The following RBFOX1 variants were observed in gnomAD, a reference collection of about 807,000 sequenced individuals.
RBFOX1 encodes RNA binding protein fox-1 homolog 1.
A neutral mutation model predicts 57.7 loss-of-function variants in RBFOX1; 8 were observed. That is an observed-to-expected ratio of 0.14 (90% confidence interval 0.08 to 0.25). The LOEUF is 0.25. Among genes scored for constraint, RBFOX1 ranks in the 10% least tolerant of loss-of-function variants. The pLI, the probability that RBFOX1 is intolerant of heterozygous loss-of-function variation, is 1.00. For synonymous variants in RBFOX1, 326 were observed against 222.4 expected (o/e 1.47, Z -4.15); for missense variants, 611 against 548.5 (o/e 1.11, Z -1.14).
At chr16:5,380,642 T>G (rs151229546) in intron 1 of RBFOX1, among the ~76,000 whole-genome samples, 545 of 152,306 alleles carry the variant, frequency 3.6e-3, no homozygotes, top group Middle Eastern at 0.017. Context: ...CATTATTACA[T>G]TTCATCCTTA....
chr16:7,281,878 C>G (rs960204418), intron 4 of RBFOX1, among the ~76,000 whole-genome samples: 6 of 151,758 alleles, frequency 4.0e-5, no homozygotes, highest in African/African-American at 1.5e-4. Context: ...TTTTCTTTTC[C>G]TAGAAAAGGT....
intron 4 of RBFOX1, among the ~76,000 whole-genome samples, chr16:7,086,595 G>A (rs2060013952): frequency 6.6e-6 from 1 of 152,124 alleles, no homozygotes; most frequent in Non-Finnish European, 1.5e-5. Context: ...GATACTTTCA[G>A]GAAATCTTAG....
At chr16:7,197,141 C>T (rs1455985592) in intron 4 of RBFOX1, among the ~76,000 whole-genome samples, 1 of 152,150 alleles carries the variant, frequency 6.6e-6, no homozygotes, top group African/African-American at 2.4e-5. Flanking sequence ...TCCAATCTGT[C>T]CTTCATTCTA....
intron 2 of RBFOX1, among the ~76,000 whole-genome samples, chr16:5,512,688 A>G (rs2043645922): frequency 6.6e-6 from 1 of 151,768 alleles, no homozygotes; most frequent in Non-Finnish European, 1.5e-5. Context: ...CTGCATACCC[A>G]CCCCCAACTC....
chr16:5,832,926 G>C lies in RBFOX1; in HGVS notation c.319-34377G>C, dbSNP rs563319072. 3.3e-5 allele frequency among the ~76,000 whole-genome samples: 5 copies of C among 152,272 alleles called. No individual in the cohort carries two copies. In the South Asian group the frequency reaches 1.0e-3, roughly 32 times the overall value. ...ACTTCTTGGGTATCCCCAGGCTGTA[G>C]AAATCCTGAAAAAGATATTCACCAA... On this transcript the variant is annotated intron_variant, in intron 3 of 19. Transcript: ENST00000641259.
chr16:6,528,109 C>G (rs879623345), intron 2 of RBFOX1, among the ~76,000 whole-genome samples: 2 of 152,160 alleles, frequency 1.3e-5, no homozygotes, highest in Admixed American at 6.5e-5. Flanking sequence ...TCCTGATTCA[C>G]CCAACTGGAA....
intron 2 of RBFOX1, among the ~76,000 whole-genome samples, chr16:6,541,061 T>C (rs926722612): frequency 5.9e-5 from 9 of 152,184 alleles, no homozygotes; most frequent in South Asian, 2.1e-4. Flanking sequence ...ATGCTACTTT[T>C]AGAGATGGAA....
intron 1 of RBFOX1, among the ~76,000 whole-genome samples, chr16:5,251,489 C>T (rs988879584): frequency 6.6e-6 from 1 of 152,224 alleles, no homozygotes; most frequent in African/African-American, 2.4e-5. Flanking sequence ...CCCCTAGTAC[C>T]TGCTGTGTTT....
At chr16:7,531,295 G>A (rs1337620137) in intron 5 of RBFOX1, among the ~76,000 whole-genome samples, 1 of 152,174 alleles carries the variant, frequency 6.6e-6, no homozygotes, top group Non-Finnish European at 1.5e-5. Flanking sequence ...AAAAGAGGAA[G>A]CAGCGATCAT....
At chr16:5,834,641 G>A (rs1376055261) in intron 3 of RBFOX1, among the ~76,000 whole-genome samples, 1 of 151,774 alleles carries the variant, frequency 6.6e-6, no homozygotes, top group Non-Finnish European at 1.5e-5. Context: ...TTTGTTTTCT[G>A]TTGGGTAGTT....
At chr16:7,302,264 C>G (rs577389256) in intron 4 of RBFOX1, among the ~76,000 whole-genome samples, 64 of 152,244 alleles carry the variant, frequency 4.2e-4, no homozygotes, top group African/African-American at 1.5e-3. Context: ...AGAGTGAAGA[C>G]TTCATAGTTA....
chr16:7,520,779 C>T (rs1022657959), intron 5 of RBFOX1, among the ~76,000 whole-genome samples: 2 of 152,114 alleles, frequency 1.3e-5, no homozygotes, highest in Non-Finnish European at 2.9e-5. Flanking sequence ...TATTTTGTGA[C>T]AATTAATAGT....
intron 1 of RBFOX1, among the ~76,000 whole-genome samples, chr16:5,412,199 G>T (rs1451525640): frequency 6.6e-6 from 1 of 151,972 alleles, no homozygotes; most frequent in African/African-American, 2.4e-5. Context: ...CCAGGCTCCT[G>T]ACTTGCTATG....
intron 2 of RBFOX1, among the ~76,000 whole-genome samples, chr16:6,603,552 C>G (rs115318622): frequency 0.011 from 1,600 of 152,270 alleles, 30 homozygotes; most frequent in African/African-American, 0.031. Context: ...TAGCCCCACT[C>G]CACACTCCAT....
At chr16:6,546,323 A>G (rs1407289132) in intron 2 of RBFOX1, among the ~76,000 whole-genome samples, 2 of 152,180 alleles carry the variant, frequency 1.3e-5, no homozygotes, top group Non-Finnish European at 2.9e-5. Context: ...AAGACCTTGT[A>G]AGATAGGGTA....
downstream of RBFOX1, among the ~76,000 whole-genome samples, chr16:5,602,158 T>C (rs2047386596): frequency 6.6e-6 from 1 of 152,206 alleles, no homozygotes; most frequent in Non-Finnish European, 1.5e-5. Context: ...GAATGTGTCA[T>C]GGGTAGAAGC....
At chr16:7,602,449 A>G (rs1407822138) in intron 9 of RBFOX1, among the ~76,000 whole-genome samples, 1 of 152,120 alleles carries the variant, frequency 6.6e-6, no homozygotes, top group Non-Finnish European at 1.5e-5. Context: ...TGTAAGCCTC[A>G]TTGTTCAGTT....
At chr16:6,697,923 T>C (rs796832832) in intron 3 of RBFOX1, among the ~76,000 whole-genome samples, 17 of 152,318 alleles carry the variant, frequency 1.1e-4, no homozygotes, top group African/African-American at 3.4e-4. Flanking sequence ...AGTCTCTTTT[T>C]TTAAAACATC....
chr16:7,054,719 C>G (rs772555786), intron 4 of RBFOX1, among the ~76,000 whole-genome samples: 42 of 152,138 alleles, frequency 2.8e-4, no homozygotes, highest in Admixed American at 1.7e-3. Flanking sequence ...TGTCTGCAAG[C>G]CACAATAAAA....
Sources: allele counts gnomAD v4.1 joint callset (sites outside exome capture counted in the v4.1 genomes callset), GRCh38; gene constraint gnomAD v4.1.1; transcripts MANE v1.5; gene names NCBI Gene and HGNC (gene_info 2026-07-23, HGNC 2026-07-21).